OR6C2: variants seen among roughly 807,000 people sequenced by gnomAD.
OR6C2 encodes the protein olfactory receptor 6C2.
For synonymous variants in OR6C2, 146 were observed against 134.2 expected, an observed-to-expected ratio of 1.09 and a Z score of -0.61; for missense variants, 435 against 365.8, an observed-to-expected ratio of 1.19 and a Z score of -1.54.
rs1290016028 is a variant in OR6C2, at chr12:55,451,796, A to G, written c.-418A>G. On this transcript the variant is annotated 5_prime_UTR_variant, in exon 2 of 2. Transcript: ENST00000641202. The stretch of plus-strand genomic sequence containing the variant: ...CCTCAGATGATAACAACTGAAGAGA[A>G]TTAATGTTATTAATTACCTGGATAT... The G allele has an allele frequency of 6.3e-6, 1 of 157,596 alleles. No homozygotes were observed. The highest frequency in any genetic ancestry group is 1.4e-5 in the Non-Finnish European group (1 of 71,890). 9.8% of individuals were successfully genotyped at this position (157,596 alleles called of 1,614,324 possible).
chr12:55,451,027 T>C (rs1194530166), intron 1 of OR6C2, among the ~76,000 whole-genome samples: 1 of 147,384 alleles, frequency 6.8e-6, no homozygotes, highest in Non-Finnish European at 1.5e-5. Flanking sequence ...CTTTTTAAAT[T>C]TTTTTTAATT....
intron 1 of OR6C2, among the ~76,000 whole-genome samples, chr12:55,448,518 C>A (rs1424310283): frequency 6.8e-6 from 1 of 147,364 alleles, no homozygotes; most frequent in Non-Finnish European, 1.5e-5. Context: ...ACCATGATTA[C>A]CCCTCCTGAG....
intron 1 of OR6C2, among the ~76,000 whole-genome samples, chr12:55,448,648 A>AAAAAAAAAAAAAAAAAG (rs1443480316): frequency 7.0e-6 from 1 of 141,982 alleles, no homozygotes; most frequent in African/African-American, 2.8e-5. Context: ...CACTGCAAAA[A>AAAAAAAAAAAAAAAAAG]AAAAAAAAAA....
chr12:55,448,593 T>C (rs1871405346), intron 1 of OR6C2, among the ~76,000 whole-genome samples: 1 of 131,906 alleles, frequency 7.6e-6, no homozygotes, highest in Admixed American at 8.3e-5. Flanking sequence ...ACTAAACTTT[T>C]CCTACCCACA....
chr12:55,445,750 A>C (rs1871350067), intron 1 of OR6C2, among the ~76,000 whole-genome samples: 1 of 152,176 alleles, frequency 6.6e-6, no homozygotes, highest in Admixed American at 6.5e-5. Flanking sequence ...TAAATATATA[A>C]ATTAGGTGAT....
At chr12:55,446,454 A>G (rs1346109009) in intron 1 of OR6C2, among the ~76,000 whole-genome samples, 1 of 152,188 alleles carries the variant, frequency 6.6e-6, no homozygotes, top group Non-Finnish European at 1.5e-5. Flanking sequence ...TGTAAATTAA[A>G]TGAGTTTCAA....
Position 55,452,684 on chromosome 12 carries a change from A to G in OR6C2, c.471A>G (p.Pro157=), listed in dbSNP as rs1184060919. The G allele has an allele frequency of 6.2e-7, 1 of 1,613,660 alleles. No individual in the cohort carries two copies. Among genetic ancestry groups the G allele is most frequent in the African/African-American group, 1.3e-5 (1 of 74,858 alleles). ...WVAGLMIIVP[P]LSLGLQLEFC... is the part of the protein sequence containing the mutation. ...CTGGCTTGATGATCATTGTTCCACCACTTAGCTTAGGCCTCCAGCTCGAAT... is the reference window on the plus strand; with the variant it reads ...CTGGCTTGATGATCATTGTTCCACCGCTTAGCTTAGGCCTCCAGCTCGAAT... The change falls in exon 2 of 2, where the codon CCA becomes CCG. Residue 157 remains proline (P), a synonymous_variant. Transcript: ENST00000641202.
chr12:55,452,747 T>G lies in OR6C2; in HGVS notation c.534T>G (p.Asp178Glu). Reference sequence around the variant, plus strand: ...ATGCCATTGATCATTTTAGCTGTGATGCAGGTCCTCTCCTAAAGATCTCAT... The same window carrying G: ...ATGCCATTGATCATTTTAGCTGTGAGGCAGGTCCTCTCCTAAAGATCTCAT... ...DSNAIDHFSC[D>E]AGPLLKISCS... The change falls in exon 2 of 2, where the codon GAT (aspartate) becomes GAG (glutamate). Residue 178 changes from aspartate (D) to glutamate (E), a missense_variant. Physicochemically the swap from Asp to Glu is conservative, Grantham distance 45 (BLOSUM62 2). Coordinates refer to ENST00000641202, the MANE Select transcript of OR6C2 (RefSeq NM_054105.2). 6.2e-7 allele frequency: 1 copy of G among 1,613,878 alleles called. No homozygotes were observed. Among genetic ancestry groups the G allele is most frequent in the Non-Finnish European group, 8.5e-7 (1 of 1,179,816 alleles).
At chr12:55,448,418 T>A (rs531869191) in intron 1 of OR6C2, among the ~76,000 whole-genome samples, 3 of 150,264 alleles carry the variant, frequency 2.0e-5, no homozygotes, top group Non-Finnish European at 3.0e-5. Context: ...TAGAAAAAAA[T>A]TTAAAAACTG....
intron 1 of OR6C2, among the ~76,000 whole-genome samples, chr12:55,448,334 T>A (rs977794352): frequency 6.6e-6 from 1 of 151,548 alleles, no homozygotes; most frequent in Non-Finnish European, 1.5e-5. Flanking sequence ...TTACTACCAT[T>A]TATCTGTTCA....
rs144483181 is a variant in OR6C2, at chr12:55,452,944, T to C, written c.731T>C (p.Ile244Thr). Residue 244 changes from isoleucine to threonine, a missense_variant, in exon 2 of 2, where the codon ATT becomes ACT. Coordinates refer to ENST00000641202, the MANE Select transcript of OR6C2 (RefSeq NM_054105.2). ...KAFSTCSSHMIVVSIAYGSCI... is the reference protein window; with the variant it reads ...KAFSTCSSHMTVVSIAYGSCI... ...TTTTCTACCTGTTCATCCCACATGA[T>C]TGTGGTTTCCATTGCCTATGGAAGC... 2,166 of 1,613,710 alleles carry C rather than the reference T, an allele frequency of 1.3e-3. 20 individuals carry two copies. In the African/African-American group the frequency reaches 0.025, roughly 19 times the overall value.
Position 55,452,413 on chromosome 12 carries a change from T to C in OR6C2, c.200T>C (p.Leu67Ser), listed in dbSNP as rs1213089176. The C allele has an allele frequency of 3.1e-6, 5 of 1,613,428 alleles. No individual in the cohort carries two copies. The highest frequency in any genetic ancestry group is 4.5e-5 in the East Asian group (2 of 44,890). Residue 67 changes from leucine to serine, a missense_variant, in exon 2 of 2, where the codon TTA (leucine) becomes TCA (serine). Coordinates refer to ENST00000641202, the MANE Select transcript of OR6C2 (RefSeq NM_054105.2). Reference protein sequence around the residue: ...MYFFLRNFSFLEVSFTTVCIP... With the variant: ...MYFFLRNFSFSEVSFTTVCIP... ...TTCTTTCTCAGAAATTTTTCCTTCT[T>C]AGAAGTCTCATTTACTACAGTCTGC...
Position 55,453,248 on chromosome 12 carries a change from A to G in OR6C2, c.*96A>G, listed in dbSNP as rs1294880943. 8 of 811,558 alleles carry G rather than the reference A, an allele frequency of 9.9e-6. No homozygotes were observed. Among genetic ancestry groups the G allele is most frequent in the Non-Finnish European group, 1.6e-5 (8 of 512,920 alleles). The allele number at this position is 811,558 out of a possible 1,614,324, so 50.3% of individuals were successfully genotyped here. A position where few individuals can be genotyped will look rare whatever the true frequency, so the allele number is the denominator to read the frequency against. ...TTTCATTGCTTCCTGACTACAGTTT[A>G]GTCATGTGAACCTTCTCAATGACAT... On this transcript the variant is annotated 3_prime_UTR_variant, in exon 2 of 2. Coordinates refer to ENST00000641202, the MANE Select transcript of OR6C2 (RefSeq NM_054105.2).
In OR6C2 at chr12:55,452,429, T is replaced by C. The variant is rs1208713531; in HGVS notation, c.216T>C (p.Thr72=). The change falls in exon 2 of 2, where the codon ACT becomes ACC. Residue 72 remains threonine (T), a synonymous_variant. Coordinates refer to ENST00000641202, the MANE Select transcript of OR6C2 (RefSeq NM_054105.2). ...RNFSFLEVSF[T]TVCIPRFLYN... is the part of the protein sequence containing the mutation. ...TTTCCTTCTTAGAAGTCTCATTTAC[T>C]ACAGTCTGCATTCCCAGATTCTTGT... 3.1e-6 allele frequency: 5 copies of C among 1,613,524 alleles called. No individual in the cohort carries two copies. Among genetic ancestry groups the C allele is most frequent in the Non-Finnish European group, 3.4e-6 (4 of 1,179,532 alleles).
At position 55,452,193 on chromosome 12, in the gene OR6C2, G is replaced by C. The variant is rs1382728083; in HGVS notation, c.-21G>C. On this transcript the variant is annotated 5_prime_UTR_variant, in exon 2 of 2. Transcript: ENST00000641202. ...AACCGTGATTTTTAAAGGAGGATTG[G>C]GTAGATATCAAAGAACAGTGATGAA... 6.9e-7 allele frequency: 1 copy of C among 1,458,620 alleles called. No homozygotes were observed. The highest frequency in any genetic ancestry group is 2.1e-5 in the Admixed American group (1 of 47,754). The allele number at this position is 1,458,620 out of a possible 1,614,324, so 90.4% of individuals were successfully genotyped here. A position where few individuals can be genotyped will look rare whatever the true frequency, so the allele number is the denominator to read the frequency against.
In OR6C2 at chr12:55,448,656, A is replaced by AAG. The variant is rs761179616; in HGVS notation, c.-887-2670_-887-2669insGA. Among the ~76,000 whole-genome samples, 258 of 142,900 alleles carry AAG rather than the reference A, an allele frequency of 1.8e-3. 3 individuals are homozygous for AAG. The highest frequency in any genetic ancestry group is 3.1e-3 in the Non-Finnish European group (204 of 66,744). 93.7% of individuals were successfully genotyped at this position (142,900 alleles called of 152,430 possible). A position where few individuals can be genotyped will look rare whatever the true frequency, so the allele number is the denominator to read the frequency against. ...TTCCATTCACTGCAAAAAAAAAAAA[A>AAG]AAAGAAAGAAAAGAAAAGAAAAAAG... On this transcript the variant is annotated intron_variant, in intron 1 of 1. Transcript: ENST00000641202.
chr12:55,445,747 A>G (rs1303689419), intron 1 of OR6C2, among the ~76,000 whole-genome samples: 1 of 152,230 alleles, frequency 6.6e-6, no homozygotes, highest in Non-Finnish European at 1.5e-5. Context: ...TTATAAATAT[A>G]TAAATTAGGT....
intron 1 of OR6C2, among the ~76,000 whole-genome samples, chr12:55,447,236 A>G (rs1054826717): frequency 7.2e-5 from 11 of 152,126 alleles, no homozygotes; most frequent in African/African-American, 2.4e-4. Flanking sequence ...AACCATCACC[A>G]CAATCAAGGT....
chr12:55,444,612 C>G (rs1871331851), intron 1 of OR6C2, among the ~76,000 whole-genome samples: 1 of 152,064 alleles, frequency 6.6e-6, no homozygotes, highest in African/African-American at 2.4e-5. Context: ...GACCGAGAGA[C>G]CTTTGTGTTG....
Sources: allele counts gnomAD v4.1 joint callset (sites outside exome capture counted in the v4.1 genomes callset), GRCh38; gene constraint gnomAD v4.1.1; transcripts MANE v1.5; gene names NCBI Gene and HGNC (gene_info 2026-07-23, HGNC 2026-07-21).